ST3GAL3: variants seen among roughly 807,000 people sequenced by gnomAD.
The protein encoded by ST3GAL3 is CMP-N-acetylneuraminate-beta-1,4-galactoside alpha-2,3-sialyltransferase.
In ST3GAL3, 21 loss-of-function variants were observed where a neutral mutation model predicts 50.1. The observed-to-expected ratio is 0.42, with a 90% CI of 0.30 to 0.60. The LOEUF is 0.60. Among genes scored for constraint, ST3GAL3 ranks in the 20% least tolerant of loss-of-function variants. ST3GAL3 has a pLI of 0.19. For missense variants in ST3GAL3, 353 were observed against 489.4 expected (o/e 0.72, Z 2.63); for synonymous variants, 183 against 190.0 (o/e 0.96, Z 0.30).
chr1:43,929,553 G>A (rs1037883392), intron 11 of ST3GAL3, among the ~76,000 whole-genome samples: 7 of 152,042 alleles, frequency 4.6e-5, no homozygotes, highest in African/African-American at 9.7e-5. Flanking sequence ...CACCCGCCTC[G>A]GCCTCCCAAA....
chr1:43,773,780 A>T (rs1190088716), intron 2 of ST3GAL3, among the ~76,000 whole-genome samples: 1 of 152,198 alleles, frequency 6.6e-6, no homozygotes, highest in East Asian at 1.9e-4. Flanking sequence ...CTTACTAATC[A>T]CAAGGGCAAA....
chr1:43,876,637 G>A (rs1230808732), intron 5 of ST3GAL3, among the ~76,000 whole-genome samples: 2 of 152,168 alleles, frequency 1.3e-5, no homozygotes, highest in Non-Finnish European at 2.9e-5. Flanking sequence ...CCAGGTAATG[G>A]CAGTACTATG....
chr1:43,774,219 T>A (rs1056120310), intron 2 of ST3GAL3, among the ~76,000 whole-genome samples: 2 of 152,238 alleles, frequency 1.3e-5, no homozygotes, highest in African/African-American at 4.8e-5. Flanking sequence ...TTCTTATATA[T>A]AATAAATCCC....
rs145093081 is a variant in ST3GAL3, at chr1:43,927,476, G to A, written c.1039-2656G>A. On this transcript the variant is annotated intron_variant, in intron 11 of 11. Transcript: ENST00000347631. The stretch of plus-strand genomic sequence containing the variant: ...CTCTGCTGACCTTTTAACCCTCAAT[G>A]ACTCCTAGTGGGTGCTGTTGACCCT... 6.0e-3 allele frequency among the ~76,000 whole-genome samples: 918 copies of A among 152,236 alleles called. 4 individuals carry two copies. The highest frequency in any genetic ancestry group is 0.01 in the Non-Finnish European group (702 of 68,028).
intron 5 of ST3GAL3, among the ~76,000 whole-genome samples, chr1:43,873,614 A>G (rs1223669131): frequency 6.6e-6 from 1 of 152,058 alleles, no homozygotes; most frequent in Non-Finnish European, 1.5e-5. Context: ...GCAGAACTCC[A>G]TCTCCACTAA....
intron 5 of ST3GAL3, 73 bp downstream of exon 5, chr1:43,838,384 C>A: frequency 7.6e-7 from 1 of 1,321,848 alleles, no homozygotes; most frequent in Non-Finnish European, 1.1e-6. Context: ...CTCTGCCTCT[C>A]ACAGCCAGTC....
intron 2 of ST3GAL3, among the ~76,000 whole-genome samples, chr1:43,741,903 C>A (rs559436957): frequency 6.6e-6 from 1 of 152,280 alleles, no homozygotes; most frequent in South Asian, 2.1e-4. Flanking sequence ...GTGATGATTT[C>A]CCCTGAGCTG....
chr1:43,930,290 G>A lies in ST3GAL3; in HGVS notation c.*69G>A. ...GCAGCAGCCAGCACCACCTACACAG[G>A]AGTCTTCAGACCCAGAGAAGGACGG... is the stretch of plus-strand genomic sequence containing the variant. On this transcript the variant is annotated 3_prime_UTR_variant, in exon 12 of 12. Transcript: ENST00000347631. 6.8e-7 allele frequency: 1 copy of A among 1,461,044 alleles called. No individual in the cohort carries two copies. The highest frequency in any genetic ancestry group is 1.1e-5 in the South Asian group (1 of 88,112). 90.5% of individuals were successfully genotyped at this position (1,461,044 alleles called of 1,614,324 possible). A position where few individuals can be genotyped will look rare whatever the true frequency, so the allele number is the denominator to read the frequency against.
chr1:43,838,752 C>G, intron 5 of ST3GAL3: 1 of 259,696 alleles, frequency 3.9e-6, no homozygotes, highest in Non-Finnish European at 7.7e-6. Flanking sequence ...AGTTTTAGCA[C>G]TTTCCTTCTC....
chr1:43,745,608 G>A (rs938399059), intron 2 of ST3GAL3, among the ~76,000 whole-genome samples: 1 of 152,190 alleles, frequency 6.6e-6, no homozygotes, highest in Admixed American at 6.5e-5. Flanking sequence ...TATTTTTACT[G>A]TAGCTTTTCT....
At chr1:43,756,119 G>GAAA (rs1687996437) in intron 2 of ST3GAL3, among the ~76,000 whole-genome samples, 2 of 48,488 alleles carry the variant, frequency 4.1e-5, no homozygotes, top group African/African-American at 6.6e-5. Flanking sequence ...AAAAAAAAAA[G>GAAA]AAGAAGAAGA....
chr1:43,789,648 A>G (rs2057794799), intron 2 of ST3GAL3, among the ~76,000 whole-genome samples: 1 of 152,072 alleles, frequency 6.6e-6, no homozygotes. Context: ...AAGCAGGAGG[A>G]TCACTTGAGG....
At chr1:43,857,568 TTTCTTTCCTTCCTCCCTCCCTTCCTTCC>T (rs2068749553) in intron 5 of ST3GAL3, among the ~76,000 whole-genome samples, 3 of 34,430 alleles carry the variant, frequency 8.7e-5, no homozygotes. Flanking sequence ...TCCTTCCTTC[TTTCTTTCCTTCCTCCCTCCCTTCCTTCC>T]TTCCTTCCTT....
intron 2 of ST3GAL3, among the ~76,000 whole-genome samples, chr1:43,739,556 C>T (rs1679942059): frequency 6.6e-6 from 1 of 152,056 alleles, no homozygotes; most frequent in African/African-American, 2.4e-5. Flanking sequence ...ATTCAGTAAG[C>T]AGTATGTTCT....
chr1:43,829,074 C>A (rs1308142318), intron 4 of ST3GAL3, among the ~76,000 whole-genome samples: 1 of 150,626 alleles, frequency 6.6e-6, no homozygotes, highest in African/African-American at 2.5e-5. Context: ...TACTATTCAG[C>A]ACTAAAAAGA....
At chr1:43,783,931 C>T (rs553081682) in intron 2 of ST3GAL3, among the ~76,000 whole-genome samples, 2 of 152,258 alleles carry the variant, frequency 1.3e-5, no homozygotes, top group African/African-American at 4.8e-5. Context: ...TAAAAATAGT[C>T]TTTGATGTGT....
intron 2 of ST3GAL3, among the ~76,000 whole-genome samples, chr1:43,767,885 T>C (rs1011891518): frequency 1.3e-5 from 2 of 151,614 alleles, no homozygotes; most frequent in African/African-American, 4.8e-5. Context: ...CTATAACCTA[T>C]AAGCATAGAG....
intron 1 of ST3GAL3, among the ~76,000 whole-genome samples, chr1:43,724,382 A>ATT (rs36044239): frequency 1.2e-4 from 15 of 121,188 alleles, no homozygotes; most frequent in Non-Finnish European, 1.4e-4. Flanking sequence ...GGCTATTTTC[A>ATT]TTTTTTTTTT....
intron 1 of ST3GAL3, among the ~76,000 whole-genome samples, chr1:43,710,508 C>A (rs1440966047): frequency 6.6e-6 from 1 of 152,228 alleles, no homozygotes; most frequent in Non-Finnish European, 1.5e-5. Context: ...ATTGCCATCA[C>A]TTCCAAGTTT....
Sources: gnomAD v4.1 joint callset for allele counts (sites outside exome capture counted in the v4.1 genomes callset) on GRCh38, gnomAD v4.1.1 for gene constraint, MANE v1.5 for transcripts, NCBI Gene and HGNC (gene_info 2026-07-23, HGNC 2026-07-21) for gene names.